ZNF726: variants seen among roughly 807,000 people sequenced by gnomAD.
ZNF726 encodes the protein zinc finger protein 726, also known as zinc finger protein 92 pseudogene 3.
Under a neutral mutation model 11.6 loss-of-function variants are expected in ZNF726, and 15 were observed. The observed-to-expected ratio is 1.29, with a 90% CI of 0.86 to 1.99. The LOEUF (loss-of-function observed/expected upper bound fraction) is 1.99. ZNF726 is among the 30% of genes most tolerant of loss of function. The probability of loss-of-function intolerance (pLI) is 0.00; values close to 1 mark genes in which losing one functional copy is unlikely to be tolerated. For missense variants in ZNF726, 890 were observed against 725.6 expected (o/e 1.23, Z -2.60); for synonymous variants, 295 against 243.6 (o/e 1.21, Z -1.96).
chr19:23,914,891 T>C lies in ZNF726; in HGVS notation c.-104T>C. 1 of 1,541,212 alleles carries C rather than the reference T, an allele frequency of 6.5e-7. No individual in the cohort carries two copies. Among genetic ancestry groups the C allele is most frequent in the South Asian group, 1.2e-5 (1 of 86,598 alleles). On this transcript the variant is annotated 5_prime_UTR_variant, in exon 1 of 4. Coordinates refer to ENST00000594466, the MANE Select transcript of ZNF726 (RefSeq NM_001244038.2). Reference sequence around the variant, plus strand: ...CGGGATTTGGCGGGGCCTTTGTCTCTATCTGCGGCCGGAGCTCCAGGTCTC... The same window carrying C: ...CGGGATTTGGCGGGGCCTTTGTCTCCATCTGCGGCCGGAGCTCCAGGTCTC...
chr19:23,939,180 C>T (rs1968297743), downstream of ZNF726, among the ~76,000 whole-genome samples: 1 of 151,274 alleles, frequency 6.6e-6, no homozygotes, highest in Non-Finnish European at 1.5e-5. Flanking sequence ...CCTTTGCATT[C>T]TCATATCTTA....
chr19:23,924,148 A>G (rs1300236325), intron 3 of ZNF726, among the ~76,000 whole-genome samples: 3 of 151,678 alleles, frequency 2.0e-5, no homozygotes, highest in Non-Finnish European at 4.4e-5. Flanking sequence ...GGTTCAAGTA[A>G]TTCTCCTGCC....
chr19:23,933,811 C>G lies in ZNF726; in HGVS notation c.1695C>G (p.Tyr565Ter). 1.9e-6 allele frequency: 3 copies of G among 1,605,554 alleles called. No homozygotes were observed. In the South Asian group the frequency reaches 3.3e-5, roughly 18 times the overall value. The change falls in exon 4 of 4, where the codon TAC becomes TAG. Residue 565 changes from tyrosine (Y) to a stop codon, truncating the protein, a stop_gained. Transcript: ENST00000594466. LOFTEE classifies it low-confidence loss of function (END_TRUNC). ...TAATTCATACTGGAGAGAAACCTTA[C>G]AAGTGTGAAGAATGTGGAAAAGCGT... ...HKIIHTGEKP[Y>*]KCEECGKAFN...
At chr19:23,919,328 C>T in intron 1 of ZNF726, 45 bp from the exon 2 acceptor site, 3 of 1,587,218 alleles carry the variant, frequency 1.9e-6, no homozygotes, top group Admixed American at 1.7e-5. Context: ...AAAAATTCTG[C>T]CCATAGCCAC....
intron 3 of ZNF726, among the ~76,000 whole-genome samples, chr19:23,941,543 A>C (rs923125130): frequency 3.9e-5 from 6 of 152,138 alleles, no homozygotes; most frequent in Admixed American, 2.0e-4. Flanking sequence ...GAACAATGTC[A>C]AAAGTATTGG....
chr19:23,934,394 G>T lies in ZNF726; in HGVS notation c.*427G>T. On this transcript the variant is annotated 3_prime_UTR_variant, in exon 4 of 4. Transcript: ENST00000594466. ...TACTGAAGAGAAACCCTACAAATGT[G>T]AAAAATGTGTCAAAGCCTTTAAGCA... The T allele has an allele frequency of 2.0e-6, 1 of 499,036 alleles. No individual in the cohort carries two copies. The highest frequency in any genetic ancestry group is 1.5e-5 in the South Asian group (1 of 65,820). 30.9% of individuals were successfully genotyped at this position (499,036 alleles called of 1,614,324 possible).
chr19:23,924,086 C>A, intron 3 of ZNF726, among the ~76,000 whole-genome samples: 1 of 150,628 alleles, frequency 6.6e-6, no homozygotes. Flanking sequence ...CTCTTGTTGC[C>A]GAGGCTGAAG....
At chr19:23,939,543 G>T (rs890649542) in intron 3 of ZNF726, among the ~76,000 whole-genome samples, 3 of 152,138 alleles carry the variant, frequency 2.0e-5, no homozygotes, top group Non-Finnish European at 2.9e-5. Flanking sequence ...ATACCCAGTG[G>T]TGAGATTGCT....
downstream of ZNF726, among the ~76,000 whole-genome samples, chr19:23,938,083 T>C (rs1968276411): frequency 6.6e-6 from 1 of 152,210 alleles, no homozygotes; most frequent in Non-Finnish European, 1.5e-5. Flanking sequence ...AACAATACAC[T>C]ATTTGGTAAG....
intron 3 of ZNF726, among the ~76,000 whole-genome samples, chr19:23,941,794 G>C (rs141387565): frequency 2.0e-5 from 3 of 151,906 alleles, no homozygotes; most frequent in Non-Finnish European, 2.9e-5. Flanking sequence ...AATTTTTTGC[G>C]TTTCAGTGGT....
At chr19:23,939,862 ATTTTTTT>A (rs374902806) in intron 3 of ZNF726, among the ~76,000 whole-genome samples, 4 of 87,154 alleles carry the variant, frequency 4.6e-5, no homozygotes, top group Non-Finnish European at 8.9e-5. Flanking sequence ...TTTTGATGGG[ATTTTTTT>A]TTTTTTTTTT....
At chr19:23,931,158 G>C (rs1490923671) in intron 3 of ZNF726, among the ~76,000 whole-genome samples, 1 of 152,164 alleles carries the variant, frequency 6.6e-6, no homozygotes, top group Non-Finnish European at 1.5e-5. Context: ...TGTTTTAGTA[G>C]AGATGGGGTT....
intron 3 of ZNF726, among the ~76,000 whole-genome samples, chr19:23,931,146 ATTG>A (rs1968095532): frequency 6.6e-6 from 1 of 152,120 alleles, no homozygotes; most frequent in East Asian, 1.9e-4. Context: ...AACTTTTTGT[ATTG>A]TTTTAGTAGA....
At chr19:23,937,788 G>T (rs915067739), downstream of ZNF726, among the ~76,000 whole-genome samples, 1 of 152,218 alleles carries the variant, frequency 6.6e-6, no homozygotes, top group East Asian at 1.9e-4. Flanking sequence ...GGAGGCCAAG[G>T]CAGGCTGCTG....
Position 23,924,090 on chromosome 19 carries a change from G to A in ZNF726, c.226+4008G>A, listed in dbSNP as rs181370501. ...AGGAAGTTTTACTCTTGTTGCCGAGGCTGAAGTGTAATGCACGATCTTGAC... is the reference window on the plus strand; with the variant it reads ...AGGAAGTTTTACTCTTGTTGCCGAGACTGAAGTGTAATGCACGATCTTGAC... On this transcript the variant is annotated intron_variant, in intron 3 of 3. Transcript: ENST00000594466. 2.4e-3 allele frequency among the ~76,000 whole-genome samples: 368 copies of A among 151,370 alleles called. 1 individual carries two copies. Among genetic ancestry groups the A allele is most frequent in the African/African-American group, 8.7e-3 (358 of 41,232 alleles).
downstream of ZNF726, among the ~76,000 whole-genome samples, chr19:23,939,475 T>A (rs1968302038): frequency 1.3e-5 from 2 of 152,240 alleles, no homozygotes; most frequent in African/African-American, 4.8e-5. Flanking sequence ...GGTTTATTTC[T>A]GGGTTCTCTG....
Position 23,933,411 on chromosome 19 carries a change from A to C in ZNF726, c.1295A>C (p.Lys432Thr). 6.2e-7 allele frequency: 1 copy of C among 1,612,692 alleles called. No homozygotes were observed. Among genetic ancestry groups the C allele is most frequent in the Non-Finnish European group, 8.5e-7 (1 of 1,179,592 alleles). The change falls in exon 4 of 4, where the codon AAA (lysine) becomes ACA (threonine). Residue 432 changes from lysine (K) to threonine (T), a missense_variant. Physicochemically the swap from Lys to Thr is moderately conservative, Grantham distance 78 (BLOSUM62 -1). Coordinates refer to ENST00000594466, the MANE Select transcript of ZNF726 (RefSeq NM_001244038.2). ...EKPYKCEECG[K>T]AFIWSSNLTE... ...CCTTACAAGTGTGAAGAATGCGGCA[A>C]AGCGTTTATATGGTCCTCAAACCTT...
chr19:23,941,732 C>T (rs1309406910), intron 3 of ZNF726, among the ~76,000 whole-genome samples: 1 of 151,996 alleles, frequency 6.6e-6, no homozygotes, highest in African/African-American at 2.4e-5. Flanking sequence ...TTATCCATCT[C>T]TTCTAGATTT....
At chr19:23,930,570 ATGTT>A (rs1343123276) in intron 3 of ZNF726, among the ~76,000 whole-genome samples, 2 of 152,042 alleles carry the variant, frequency 1.3e-5, no homozygotes, top group East Asian at 3.9e-4. Context: ...AATTATCTGT[ATGTT>A]TGTTTGCCTG....
Sources: allele counts gnomAD v4.1 joint callset (sites outside exome capture counted in the v4.1 genomes callset), GRCh38; gene constraint gnomAD v4.1.1; transcripts MANE v1.5; gene names NCBI Gene and HGNC (gene_info 2026-07-23, HGNC 2026-07-21).